SWT1: variants seen among roughly 807,000 people sequenced by gnomAD.
SWT1 encodes transcriptional protein SWT1.
In SWT1, 33 loss-of-function variants were observed where a neutral mutation model predicts 107.3. The observed-to-expected ratio is 0.31, with a 90% CI of 0.23 to 0.41. The LOEUF is 0.41. Ranked by LOEUF, SWT1 falls within the 10% of genes least tolerant of loss-of-function variation. The probability of loss-of-function intolerance (pLI) is 1.00; values close to 1 mark genes in which losing one functional copy is unlikely to be tolerated. For synonymous variants in SWT1, 345 were observed against 348.3 expected (o/e 0.99, Z 0.11); for missense variants, 898 against 1,028.9 (o/e 0.87, Z 1.74).
chr1:185,162,392 T>C (rs1654226298), intron 2 of SWT1, among the ~76,000 whole-genome samples: 3 of 152,224 alleles, frequency 2.0e-5, no homozygotes, highest in Non-Finnish European at 4.4e-5. Flanking sequence ...TTTGTTTTTC[T>C]CTGAGTCTGC....
intron 10 of SWT1, among the ~76,000 whole-genome samples, chr1:185,195,836 A>G (rs1007678836): frequency 2.0e-5 from 3 of 152,020 alleles, no homozygotes; most frequent in African/African-American, 7.2e-5. Flanking sequence ...CCACTTTTTG[A>G]TGGAGTTGTT....
chr1:185,228,640 A>AT (rs770151722), intron 15 of SWT1, among the ~76,000 whole-genome samples: 1 of 152,116 alleles, frequency 6.6e-6, no homozygotes, highest in African/African-American at 2.4e-5. Flanking sequence ...TATTTATTGT[A>AT]TTTTTTTCAT....
At chr1:185,249,692 AGGGG>A (rs1661871268) in intron 16 of SWT1, among the ~76,000 whole-genome samples, 1 of 152,122 alleles carries the variant, frequency 6.6e-6, no homozygotes, top group Non-Finnish European at 1.5e-5. Flanking sequence ...GTGTTCCAAA[AGGGG>A]AACACAGGAA....
At chr1:185,278,092 G>A (rs1232074706) in intron 18 of SWT1, among the ~76,000 whole-genome samples, 1 of 151,988 alleles carries the variant, frequency 6.6e-6, no homozygotes, top group Non-Finnish European at 1.5e-5. Context: ...CCAAAGTACA[G>A]GGATTGATTA....
chr1:185,267,301 G>A (rs1663476815), intron 16 of SWT1, among the ~76,000 whole-genome samples: 1 of 152,168 alleles, frequency 6.6e-6, no homozygotes, highest in South Asian at 2.1e-4. Flanking sequence ...CATTTCACAG[G>A]TAAGGAGCTG....
intron 14 of SWT1, among the ~76,000 whole-genome samples, chr1:185,219,417 C>T (rs1198484629): frequency 6.6e-6 from 1 of 152,056 alleles, no homozygotes; most frequent in South Asian, 2.1e-4. Flanking sequence ...AAGTACATAA[C>T]AAATGCTCAA....
chr1:185,257,116 C>A (rs1450510674), intron 16 of SWT1, among the ~76,000 whole-genome samples: 1 of 152,158 alleles, frequency 6.6e-6, no homozygotes, highest in Non-Finnish European at 1.5e-5. Context: ...CAGGGACCCA[C>A]TTGAGGAGGC....
At chr1:185,175,265 C>A in intron 5 of SWT1, 152 bp downstream of exon 5, 1 of 671,636 alleles carries the variant, frequency 1.5e-6, no homozygotes, top group Non-Finnish European at 2.2e-6. Context: ...CTCCGTTGCC[C>A]AAGCTGGAGT....
chr1:185,167,786 C>CT (rs946620813), intron 3 of SWT1, among the ~76,000 whole-genome samples: 2 of 152,116 alleles, frequency 1.3e-5, no homozygotes, highest in African/African-American at 2.4e-5. Flanking sequence ...AGAATGCCTT[C>CT]TTTTACTCGT....
chr1:185,250,823 C>T (rs1244794670), intron 16 of SWT1, among the ~76,000 whole-genome samples: 1 of 152,068 alleles, frequency 6.6e-6, no homozygotes, highest in Admixed American at 6.6e-5. Context: ...CCACCATGCC[C>T]AGCTAACTTT....
intron 16 of SWT1, among the ~76,000 whole-genome samples, chr1:185,258,854 G>C (rs1662819896): frequency 6.6e-6 from 1 of 152,024 alleles, no homozygotes; most frequent in African/African-American, 2.4e-5. Context: ...CATATCTTCA[G>C]TTCTGGAAAT....
chr1:185,229,010 G>A lies in SWT1; in HGVS notation c.2310-2567G>A, dbSNP rs78376612. On this transcript the variant is annotated intron_variant, in intron 15 of 18. Coordinates refer to ENST00000367500, the MANE Select transcript of SWT1 (RefSeq NM_017673.7). ...TGTGCTAATTGTGTAGGGCCTATAAGCCATTGTAAGAATTTAGGGCTTTTA... is the reference window on the plus strand; with the variant it reads ...TGTGCTAATTGTGTAGGGCCTATAAACCATTGTAAGAATTTAGGGCTTTTA... Among the ~76,000 whole-genome samples, 883 of 152,300 alleles carry A rather than the reference G, an allele frequency of 5.8e-3. 31 individuals carry two copies. In the East Asian group the frequency reaches 0.093, roughly 16 times the overall value.
rs527822469 is a variant in SWT1 at position 185,176,017 on chromosome 1, C to T, written c.966+904C>T. Among the ~76,000 whole-genome samples, 85 of 152,240 alleles carry T rather than the reference C, an allele frequency of 5.6e-4. No homozygotes were observed. In the Middle Eastern group the frequency reaches 0.01, roughly 18 times the overall value. ...AAGGTATACTGGAGGGGACTGGATACAATGGCTCACGCCTGTAATCCCAGT... is the reference window on the plus strand; with the variant it reads ...AAGGTATACTGGAGGGGACTGGATATAATGGCTCACGCCTGTAATCCCAGT... On this transcript the variant is annotated intron_variant, in intron 5 of 18. Coordinates refer to ENST00000367500, the MANE Select transcript of SWT1 (RefSeq NM_017673.7).
chr1:185,240,355 TGTTTGAG>T (rs1661180358), intron 16 of SWT1, among the ~76,000 whole-genome samples: 1 of 152,098 alleles, frequency 6.6e-6, no homozygotes, highest in Admixed American at 6.6e-5. Flanking sequence ...TTATTTGAAA[TGTTTGAG>T]ATAATGAGTG....
At chr1:185,247,461 C>G (rs1661696334) in intron 16 of SWT1, among the ~76,000 whole-genome samples, 1 of 152,198 alleles carries the variant, frequency 6.6e-6, no homozygotes, top group South Asian at 2.1e-4. Flanking sequence ...AGACTTATAT[C>G]TGCTCTTTCA....
chr1:185,214,754 C>G, intron 14 of SWT1, 99 bp downstream of exon 14: 1 of 980,736 alleles, frequency 1.0e-6, no homozygotes, highest in Non-Finnish European at 1.5e-6. Flanking sequence ...TTAATTCTAA[C>G]TTATTCTAAC....
At chr1:185,251,743 C>G (rs1344939821) in intron 16 of SWT1, among the ~76,000 whole-genome samples, 1 of 151,114 alleles carries the variant, frequency 6.6e-6, no homozygotes, top group African/African-American at 2.4e-5. Context: ...TTTTATCTAT[C>G]CAATCAGACA....
chr1:185,245,593 G>A lies in SWT1; in HGVS notation c.2441+13885G>A, dbSNP rs79224024. 5.5e-3 allele frequency among the ~76,000 whole-genome samples: 835 copies of A among 152,194 alleles called. 34 individuals carry two copies. The East Asian group carries it at 0.093, about 17-fold the overall frequency. On this transcript the variant is annotated intron_variant, in intron 16 of 18. Transcript: ENST00000367500. ...TTATTATCATTGTTAAGTATAATGT[G>A]CTGTACTTAATTGTATGTGCTATAC...
chr1:185,276,895 C>T (rs1664276641), intron 18 of SWT1, among the ~76,000 whole-genome samples: 1 of 151,928 alleles, frequency 6.6e-6, no homozygotes, highest in South Asian at 2.1e-4. Flanking sequence ...GGCCTCAAGA[C>T]TTTGTTACAT....
Sources: gnomAD v4.1 joint callset for allele counts (sites outside exome capture counted in the v4.1 genomes callset) on GRCh38, gnomAD v4.1.1 for gene constraint, MANE v1.5 for transcripts, NCBI Gene and HGNC (gene_info 2026-07-23, HGNC 2026-07-21) for gene names.